The following ATG5 variants were observed in gnomAD, a reference collection of about 807,000 sequenced individuals.
ATG5 encodes the protein autophagy related 5, also known as autophagy protein 5.
Under a neutral mutation model 36.5 loss-of-function variants are expected in ATG5, and 14 were observed. The observed-to-expected ratio is 0.38, with a 90% CI of 0.25 to 0.60. The LOEUF (loss-of-function observed/expected upper bound fraction) is 0.60. Ranked by LOEUF, ATG5 falls within the 20% of genes least tolerant of loss-of-function variation. The pLI is 0.60. For missense variants in ATG5, 195 were observed against 326.7 expected (o/e 0.60, Z 3.11); for synonymous variants, 95 against 101.5 (o/e 0.94, Z 0.38).
chr6:106,250,174 G>C (rs2114519470), intron 5 of ATG5, among the ~76,000 whole-genome samples: 1 of 147,296 alleles, frequency 6.8e-6, no homozygotes, highest in East Asian at 1.9e-4. Context: ...AGTTCAGCTT[G>C]GTATTTTTCT....
intron 4 of ATG5, among the ~76,000 whole-genome samples, chr6:106,290,412 C>A (rs1780259191): frequency 6.6e-6 from 1 of 151,944 alleles, no homozygotes; most frequent in Admixed American, 6.6e-5. Flanking sequence ...CCTCGAATTC[C>A]TGGGCTAAAG....
chr6:106,242,764 T>C (rs1328467603), intron 6 of ATG5, among the ~76,000 whole-genome samples: 3 of 152,178 alleles, frequency 2.0e-5, no homozygotes, highest in African/African-American at 7.2e-5. Flanking sequence ...AAAACTAAAT[T>C]AAAAGCAATA....
intron 6 of ATG5, among the ~76,000 whole-genome samples, chr6:106,214,812 A>C (rs1776979784): frequency 6.6e-6 from 1 of 152,162 alleles, no homozygotes; most frequent in Non-Finnish European, 1.5e-5. Context: ...TTATAAGCCC[A>C]TTTACAGAAC....
At chr6:106,305,720 C>T (rs1421150841) in intron 3 of ATG5, among the ~76,000 whole-genome samples, 1 of 152,256 alleles carries the variant, frequency 6.6e-6, no homozygotes, top group Non-Finnish European at 1.5e-5. Flanking sequence ...TCTTCCAACA[C>T]TTCAGTGGTA....
chr6:106,303,211 T>C (rs905865617), intron 3 of ATG5, among the ~76,000 whole-genome samples: 1 of 151,878 alleles, frequency 6.6e-6, no homozygotes, highest in Non-Finnish European at 1.5e-5. Context: ...TTGGTAAACC[T>C]CTAACAAAGC....
chr6:106,228,513 C>A (rs575100276), intron 6 of ATG5, among the ~76,000 whole-genome samples: 4 of 152,208 alleles, frequency 2.6e-5, no homozygotes, highest in African/African-American at 9.6e-5. Context: ...CCGCGTGGCC[C>A]AAGATTCCAT....
intron 6 of ATG5, among the ~76,000 whole-genome samples, chr6:106,229,048 C>T (rs1195197419): frequency 6.6e-6 from 1 of 152,254 alleles, no homozygotes; most frequent in Non-Finnish European, 1.5e-5. Flanking sequence ...CCTTCTGTCC[C>T]ACACCTCCTG....
intron 2 of ATG5, among the ~76,000 whole-genome samples, chr6:106,314,093 T>G (rs1272795992): frequency 6.6e-6 from 1 of 152,226 alleles, no homozygotes; most frequent in South Asian, 2.1e-4. Flanking sequence ...CTACAGTTAC[T>G]GTAAACACTC....
At chr6:106,280,578 C>T (rs984265801) in intron 4 of ATG5, among the ~76,000 whole-genome samples, 1 of 152,030 alleles carries the variant, frequency 6.6e-6, no homozygotes, top group African/African-American at 2.4e-5. Context: ...AAGCAATGAT[C>T]ATTGGACATA....
At chr6:106,192,583 G>A (rs891072591) in intron 7 of ATG5, among the ~76,000 whole-genome samples, 1 of 152,100 alleles carries the variant, frequency 6.6e-6, no homozygotes, top group East Asian at 1.9e-4. Context: ...GAAAATTTCA[G>A]TTTAATTAAT....
chr6:106,224,485 T>C (rs1219927901), intron 6 of ATG5, among the ~76,000 whole-genome samples: 2 of 152,140 alleles, frequency 1.3e-5, no homozygotes, highest in South Asian at 2.1e-4. Context: ...AAGAGGAAAC[T>C]GGACACTGAA....
rs555916501 is a variant in ATG5, at chr6:106,299,413, T to C, written c.237-6307A>G. On this transcript the variant is annotated intron_variant, in intron 3 of 7. Coordinates refer to ENST00000369076, the MANE Select transcript of ATG5 (RefSeq NM_004849.4). ...TTCAATCCATGGTTGGTTGAATCCA[T>C]GGATGCAGAACCCATGGATACAGAA... is the stretch of plus-strand genomic sequence containing the variant. Among the ~76,000 whole-genome samples, 119 of 152,306 alleles carry C rather than the reference T, an allele frequency of 7.8e-4. 2 individuals carry two copies. Among genetic ancestry groups the C allele is most frequent in the East Asian group, 5.8e-4 (3 of 5,188 alleles).
rs142273802 is a variant in ATG5, at chr6:106,201,817, T to C, written c.691+155A>G. ...TTAGTCAATAATTTACAAAATAATA[T>C]ATTAAATATTAGGTGCTTCTGTTTG... is the stretch of plus-strand genomic sequence containing the variant. On this transcript the variant is annotated intron_variant, in intron 7 of 7. Transcript: ENST00000369076. 577 of 439,178 alleles carry C rather than the reference T, an allele frequency of 1.3e-3. 1 individual carries two copies. Among genetic ancestry groups the C allele is most frequent in the African/African-American group, 0.01 (512 of 49,700 alleles). The allele number at this position is 439,178 out of a possible 1,614,324, so 27.2% of individuals were successfully genotyped here.
intron 5 of ATG5, among the ~76,000 whole-genome samples, chr6:106,276,196 G>C (rs1008958493): frequency 6.6e-6 from 1 of 152,206 alleles, no homozygotes; most frequent in Admixed American, 6.5e-5. Context: ...CGGGCGCGGT[G>C]GCTCACGCCT....
intron 7 of ATG5, among the ~76,000 whole-genome samples, chr6:106,188,456 C>T (rs1283164092): frequency 6.6e-6 from 1 of 152,132 alleles, no homozygotes; most frequent in African/African-American, 2.4e-5. Context: ...CCTTTGTATA[C>T]TATGAAACAG....
chr6:106,292,805 C>A (rs1245661312), intron 4 of ATG5, among the ~76,000 whole-genome samples: 2 of 152,092 alleles, frequency 1.3e-5, no homozygotes, highest in African/African-American at 4.8e-5. Context: ...GTATTCAGCA[C>A]TAATAAAGAA....
intron 1 of ATG5, among the ~76,000 whole-genome samples, chr6:106,317,905 T>C (rs1324123145): frequency 5.3e-5 from 8 of 152,146 alleles, no homozygotes; most frequent in Non-Finnish European, 1.2e-4. Flanking sequence ...AAATCTAAAA[T>C]TGAATCTGAT....
At chr6:106,206,770 G>A (rs960070504) in intron 6 of ATG5, among the ~76,000 whole-genome samples, 5 of 152,010 alleles carry the variant, frequency 3.3e-5, no homozygotes, top group Admixed American at 3.3e-4. Context: ...TTCAAGTACA[G>A]AGGTTCTTAA....
chr6:106,232,428 A>G (rs1777729607), intron 6 of ATG5, among the ~76,000 whole-genome samples: 1 of 152,096 alleles, frequency 6.6e-6, no homozygotes. Context: ...AGGGGCCATT[A>G]TACACCTGAA....
Sources: gnomAD v4.1 joint callset for allele counts (sites outside exome capture counted in the v4.1 genomes callset) on GRCh38, gnomAD v4.1.1 for gene constraint, MANE v1.5 for transcripts, NCBI Gene and HGNC (gene_info 2026-07-23, HGNC 2026-07-21) for gene names.